The following LRIG1 variants were observed in gnomAD, a reference collection of about 807,000 sequenced individuals.
LRIG1 encodes leucine-rich repeats and immunoglobulin-like domains protein 1.
In LRIG1, 48 loss-of-function variants were observed where a neutral mutation model predicts 99.2. The observed-to-expected ratio is 0.48, with a 90% CI of 0.38 to 0.62. LRIG1 has a LOEUF of 0.62. Ranked by LOEUF, LRIG1 falls within the 20% of genes least tolerant of loss-of-function variation. LRIG1 has a pLI of 0.00. For synonymous variants in LRIG1, 772 were observed against 596.1 expected, an observed-to-expected ratio of 1.29 and a Z score of -4.30; for missense variants, 1,646 against 1,434.4, an observed-to-expected ratio of 1.15 and a Z score of -2.38.
At chr3:66,464,029 G>A (rs1214738424) in intron 1 of LRIG1, among the ~76,000 whole-genome samples, 1 of 152,146 alleles carries the variant, frequency 6.6e-6, no homozygotes, top group Non-Finnish European at 1.5e-5. Flanking sequence ...GTGCCTGGGG[G>A]TATTTGTTAA....
rs200632274 is a variant in LRIG1 at position 66,382,408 on chromosome 3, G to T, written c.2492-10C>A. The T allele has an allele frequency of 2.5e-6, 4 of 1,614,194 alleles. No individual in the cohort carries two copies. The highest frequency in any genetic ancestry group is 2.2e-5 in the South Asian group (2 of 91,088). On this transcript the variant is annotated splice_polypyrimidine_tract_variant and intron_variant, in intron 15 of 18. Coordinates refer to ENST00000273261, the MANE Select transcript of LRIG1 (RefSeq NM_015541.3). Reference sequence around the variant, plus strand: ...GGCACGACGGTTTCATCTGCAAGGAGACAGAACAAATAGAACACCAGGGTC... The same window carrying T: ...GGCACGACGGTTTCATCTGCAAGGATACAGAACAAATAGAACACCAGGGTC...
intron 1 of LRIG1, among the ~76,000 whole-genome samples, chr3:66,488,190 G>C (rs1701017246): frequency 6.6e-6 from 1 of 152,068 alleles, no homozygotes; most frequent in South Asian, 2.1e-4. Flanking sequence ...TCCATGAAAA[G>C]TATTTTAAGG....
intron 9 of LRIG1, chr3:66,401,598 A>G: frequency 6.7e-7 from 1 of 1,500,418 alleles, no homozygotes; most frequent in Non-Finnish European, 8.9e-7. Context: ...TAGATTAGGC[A>G]GGGTCCTTAC....
rs540080442 is a variant in LRIG1 at position 66,473,251 on chromosome 3, T to A, written c.219-10742A>T. On this transcript the variant is annotated intron_variant, in intron 1 of 18. Coordinates refer to ENST00000273261, the MANE Select transcript of LRIG1 (RefSeq NM_015541.3). The stretch of plus-strand genomic sequence containing the variant: ...TCCTTCATTCCCCATCCACAAAAAA[T>A]TTTAAGGGACAAATGACATAAGTGG... Among the ~76,000 whole-genome samples, 91 of 152,288 alleles carry A rather than the reference T, an allele frequency of 6.0e-4. 2 individuals carry two copies. The East Asian group carries it at 0.013, about 22-fold the overall frequency.
intron 1 of LRIG1, among the ~76,000 whole-genome samples, chr3:66,473,750 A>T (rs1700655028): frequency 6.6e-6 from 1 of 152,240 alleles, no homozygotes; most frequent in South Asian, 2.1e-4. Flanking sequence ...TCTCTAGCTA[A>T]GTATTTTAAA....
chr3:66,461,629 G>C (rs1379178039), intron 2 of LRIG1, among the ~76,000 whole-genome samples: 1 of 152,148 alleles, frequency 6.6e-6, no homozygotes, highest in Non-Finnish European at 1.5e-5. Context: ...GTATGCCTGG[G>C]TGAGAATACT....
intron 9 of LRIG1, chr3:66,404,260 T>G (rs1702180590): frequency 7.8e-7 from 1 of 1,289,354 alleles, no homozygotes; most frequent in Non-Finnish European, 1.0e-6. Flanking sequence ...ATCATCGAGC[T>G]CCACTAGGGC....
At chr3:66,381,840 G>A (rs539298210) in intron 16 of LRIG1, among the ~76,000 whole-genome samples, 58 of 152,280 alleles carry the variant, frequency 3.8e-4, no homozygotes, top group African/African-American at 1.3e-3. Context: ...CTGTCTCAGG[G>A]TGAGCCTCTA....
At chr3:66,402,713 G>A (rs370754944) in intron 9 of LRIG1, among the ~76,000 whole-genome samples, 1 of 152,152 alleles carries the variant, frequency 6.6e-6, no homozygotes, top group Non-Finnish European at 1.5e-5. Context: ...CCCACAGGAC[G>A]GATCAGCTGC....
At chr3:66,454,152 C>G (rs1171005572) in intron 2 of LRIG1, among the ~76,000 whole-genome samples, 2 of 152,208 alleles carry the variant, frequency 1.3e-5, no homozygotes, top group Non-Finnish European at 2.9e-5. Flanking sequence ...AGAGGCCCTG[C>G]ACAGTGAGCT....
intron 2 of LRIG1, among the ~76,000 whole-genome samples, chr3:66,461,291 C>T (rs1472088256): frequency 1.3e-5 from 2 of 152,010 alleles, no homozygotes; most frequent in South Asian, 2.1e-4. Context: ...GGCAACAGAG[C>T]GAGACCCTGT....
chr3:66,414,003 T>C (rs1559786616), intron 5 of LRIG1, among the ~76,000 whole-genome samples: 1 of 151,948 alleles, frequency 6.6e-6, no homozygotes, highest in African/African-American at 2.4e-5. Context: ...AAGTCCTTCG[T>C]CAGGCTCTGG....
At chr3:66,391,643 T>C (rs1701623280) in intron 12 of LRIG1, among the ~76,000 whole-genome samples, 1 of 152,162 alleles carries the variant, frequency 6.6e-6, no homozygotes. Flanking sequence ...TTACTAATGG[T>C]ATGGGGATCC....
chr3:66,386,554 TCTC>T, intron 12 of LRIG1: 2 of 445,386 alleles, frequency 4.5e-6, no homozygotes, highest in Non-Finnish European at 8.1e-6. Flanking sequence ...ACCCACCACT[TCTC>T]AGTTCTCAAA....
chr3:66,452,866 G>C (rs1703951347), intron 2 of LRIG1, among the ~76,000 whole-genome samples: 2 of 152,316 alleles, frequency 1.3e-5, no homozygotes, highest in East Asian at 1.9e-4. Flanking sequence ...TGTTTCAATA[G>C]CTTCATGGCT....
intron 1 of LRIG1, among the ~76,000 whole-genome samples, chr3:66,489,429 G>A (rs1282762363): frequency 1.3e-5 from 2 of 152,126 alleles, no homozygotes; most frequent in African/African-American, 2.4e-5. Flanking sequence ...GACTGAGGTA[G>A]GAGGATCACT....
intron 3 of LRIG1, among the ~76,000 whole-genome samples, chr3:66,430,172 A>T (rs1048912321): frequency 7.7e-6 from 1 of 129,382 alleles, no homozygotes; most frequent in Non-Finnish European, 1.6e-5. Flanking sequence ...AAACAAAACA[A>T]AACAACAACA....
chr3:66,448,329 T>C (rs923760010), intron 3 of LRIG1, among the ~76,000 whole-genome samples: 7 of 152,066 alleles, frequency 4.6e-5, no homozygotes, highest in African/African-American at 1.4e-4. Flanking sequence ...CAATTCTGCA[T>C]AAGCAAAATG....
intron 5 of LRIG1, 130 bp downstream of exon 5, chr3:66,414,790 A>G: frequency 1.1e-6 from 1 of 920,580 alleles, no homozygotes; most frequent in Non-Finnish European, 1.5e-6. Flanking sequence ...TGCTGCCATT[A>G]ATGGTAATTT....
Sources: allele counts gnomAD v4.1 joint callset (sites outside exome capture counted in the v4.1 genomes callset), GRCh38; gene constraint gnomAD v4.1.1; transcripts MANE v1.5; gene names NCBI Gene and HGNC (gene_info 2026-07-23, HGNC 2026-07-21).